Variants in SLC25A28 observed in about 807,000 individuals in gnomAD.
SLC25A28 encodes the protein solute carrier family 25 member 28.
In SLC25A28, 10 loss-of-function variants were observed where a neutral mutation model predicts 31.9. The ratio of observed to expected loss-of-function variants is 0.31; its 90% CI spans 0.19 to 0.53. SLC25A28 has a LOEUF of 0.53. Among genes scored for constraint, SLC25A28 ranks in the 20% least tolerant of loss-of-function variants. The probability of loss-of-function intolerance (pLI) is 0.95; values close to 1 mark genes in which losing one functional copy is unlikely to be tolerated. For missense variants in SLC25A28, 256 were observed against 490.3 expected, an observed-to-expected ratio of 0.52 and a Z score of 4.51; for synonymous variants, 208 against 203.6, an observed-to-expected ratio of 1.02 and a Z score of -0.19.
chr10:99,649,798 T>C, the SLC25A28 span, among the ~76,000 whole-genome samples: 1 of 152,178 alleles, frequency 6.6e-6, no homozygotes, highest in Non-Finnish European at 1.5e-5. Context: ...TGTGGTATCA[T>C]TTTAATGTCT....
At position 99,611,095 on chromosome 10, in the gene SLC25A28, G is replaced by A. The variant is rs199873123; in HGVS notation, c.849C>T (p.Asp283=). The A allele has an allele frequency of 3.3e-5, 53 of 1,614,074 alleles. No homozygotes were observed. The highest frequency in any genetic ancestry group is 1.6e-4 in the Middle Eastern group (1 of 6,084). ...AVAAAATTPL[D]VCKTLLNTQE... The stretch of plus-strand genomic sequence containing the variant: ...GGGTGTTGAGCAGTGTTTTGCAAAC[G>A]TCCAGTGGGGTTGTGGCTGCGGCAG... The change falls in exon 4 of 4, where the codon GAC becomes GAT. Residue 283 remains aspartate (D), a synonymous_variant. Transcript: ENST00000370495. This position sits in a 1 kb window ranked among gnomAD's most constrained non-coding sequence, Gnocchi z 5.5.
At chr10:99,633,938 C>A in the SLC25A28 span, among the ~76,000 whole-genome samples, 1 of 152,192 alleles carries the variant, frequency 6.6e-6, no homozygotes, top group Admixed American at 6.5e-5. Context: ...GTGCTGGTAT[C>A]CATGGCTGAG....
At chr10:99,626,442 GATTA>G in the SLC25A28 span, among the ~76,000 whole-genome samples, 1 of 152,182 alleles carries the variant, frequency 6.6e-6, no homozygotes, top group South Asian at 2.1e-4. Context: ...TCCTCATCTG[GATTA>G]ATTCTTTCCT....
intron 1 of SLC25A28, chr10:99,616,068 G>A (rs1315974557): frequency 2.0e-6 from 2 of 985,266 alleles, no homozygotes; most frequent in African/African-American, 1.7e-5. Flanking sequence ...AATGAATATG[G>A]CTCCCCAAAT....
At chr10:99,641,135 C>T in the SLC25A28 span, among the ~76,000 whole-genome samples, 3 of 152,178 alleles carry the variant, frequency 2.0e-5, no homozygotes, top group African/African-American at 7.2e-5. Flanking sequence ...CTTGAGGAAT[C>T]GCCACACTAT....
rs767661242 is a variant in SLC25A28 at position 99,610,977 on chromosome 10, C to T, written c.967G>A (p.Ala323Thr). 1.2e-6 allele frequency: 2 copies of T among 1,614,080 alleles called. No homozygotes were observed. Reference protein sequence around the residue: ...RTVYQVGGVTAYFRGVQARVI... With the variant: ...RTVYQVGGVTTYFRGVQARVI... ...CTGGCCTGCACCCCTCGGAAATAGG[C>T]GGTCACCCCACCTACTTGATATACC... The change falls in exon 4 of 4, where the codon GCC (alanine) becomes ACC (threonine). Residue 323 changes from alanine (A) to threonine (T), a missense_variant. Physicochemically the swap from Ala to Thr is moderately conservative, Grantham distance 58 (BLOSUM62 0). This residue lies in a region of SLC25A28 where 158 missense variants were observed against 379.1 expected (regional missense o/e 0.42). Coordinates refer to ENST00000370495, the MANE Select transcript of SLC25A28 (RefSeq NM_031212.4).
chr10:99,651,594 CT>C, the SLC25A28 span, among the ~76,000 whole-genome samples: 625 of 110,192 alleles, frequency 5.7e-3, 12 homozygotes, highest in African/African-American at 0.019. Context: ...TTTTTCTTTT[CT>C]TTTTTTTTTT....
At position 99,613,505 on chromosome 10, in the gene SLC25A28, C is replaced by T; in HGVS notation, c.520+191G>A. On this transcript the variant is annotated intron_variant, in intron 2 of 3. Coordinates refer to ENST00000370495, the MANE Select transcript of SLC25A28 (RefSeq NM_031212.4). The surrounding 1 kb of genome is among the most constrained non-coding windows in gnomAD (Gnocchi z 4.9). ...ATACTGTAACCCTTTGTTGAGGTGC[C>T]CCAAAGGAAAAGGCAGGGTTGAAGC... 1.4e-6 allele frequency: 2 copies of T among 1,444,848 alleles called. No individual in the cohort carries two copies. The highest frequency in any genetic ancestry group is 1.8e-6 in the Non-Finnish European group (2 of 1,104,632). The allele number at this position is 1,444,848 out of a possible 1,614,324, so 89.5% of individuals were successfully genotyped here. A position where few individuals can be genotyped will look rare whatever the true frequency, so the allele number is the denominator to read the frequency against.
At chr10:99,628,458 A>C in the SLC25A28 span, among the ~76,000 whole-genome samples, 2 of 152,234 alleles carry the variant, frequency 1.3e-5, no homozygotes, top group African/African-American at 4.8e-5. Context: ...TGCAGTAAAA[A>C]CGTTTTCATT....
chr10:99,625,235 G>C (rs1430559182), upstream of SLC25A28, among the ~76,000 whole-genome samples: 1 of 151,728 alleles, frequency 6.6e-6, no homozygotes, highest in Non-Finnish European at 1.5e-5. Context: ...AAAGAACAAA[G>C]CTTCCACAGC....
the SLC25A28 span, among the ~76,000 whole-genome samples, chr10:99,641,970 C>T: frequency 4.7e-5 from 7 of 149,416 alleles, no homozygotes; most frequent in African/African-American, 7.4e-5. Context: ...GTTACTGTAG[C>T]CTTGTAGTAT....
intron 1 of SLC25A28, chr10:99,615,325 C>T: frequency 1.2e-6 from 1 of 865,686 alleles, no homozygotes; most frequent in Non-Finnish European, 1.4e-6. Context: ...CACTGCACGG[C>T]AGCCTGGGCA....
intron 1 of SLC25A28, chr10:99,616,531 A>G (rs2024504): frequency 0.87 from 855,133 of 984,828 alleles, 371,819 homozygotes; most frequent in Middle Eastern, 0.9. Flanking sequence ...ACAAATATAC[A>G]TGGGCAACTA....
At chr10:99,637,185 A>C in the SLC25A28 span, among the ~76,000 whole-genome samples, 1 of 152,252 alleles carries the variant, frequency 6.6e-6, no homozygotes, top group Non-Finnish European at 1.5e-5. Flanking sequence ...ATTAAAAACA[A>C]ACCACATGAT....
the SLC25A28 span, among the ~76,000 whole-genome samples, chr10:99,634,764 T>C: frequency 6.6e-6 from 1 of 152,206 alleles, no homozygotes; most frequent in Non-Finnish European, 1.5e-5. Flanking sequence ...GGTAGAGACC[T>C]AGACATCCAA....
At chr10:99,645,111 GT>G in the SLC25A28 span, among the ~76,000 whole-genome samples, 202 of 152,258 alleles carry the variant, frequency 1.3e-3, 1 homozygote, top group African/African-American at 4.8e-3. Flanking sequence ...GCCTTGCTAG[GT>G]TGGGGAAGTT....
At chr10:99,655,429 T>C in the SLC25A28 span, among the ~76,000 whole-genome samples, 3 of 152,176 alleles carry the variant, frequency 2.0e-5, no homozygotes, top group Non-Finnish European at 4.4e-5. Context: ...ACCATATGAA[T>C]TAAGTACTAT....
Position 99,611,122 on chromosome 10 carries a change from T to C in SLC25A28, c.822A>G (p.Val274=), listed in dbSNP as rs2034512841. The change falls in exon 4 of 4, where the codon GTA becomes GTG. Residue 274 remains valine (V), a synonymous_variant. Coordinates refer to ENST00000370495, the MANE Select transcript of SLC25A28 (RefSeq NM_031212.4). The surrounding 1 kb of genome is among the most constrained non-coding windows in gnomAD (Gnocchi z 5.5). The part of the protein sequence containing the change: ...HVLSGACAGA[V]AAAATTPLDV... ...CCAGTGGGGTTGTGGCTGCGGCAGC[T>C]ACAGCTCCTGCGCAAGCTCCAGAGA... is the stretch of plus-strand genomic sequence containing the variant. The C allele has an allele frequency of 4.3e-6, 7 of 1,614,176 alleles. No homozygotes were observed. The highest frequency in any genetic ancestry group is 5.1e-6 in the Non-Finnish European group (6 of 1,180,040).
chr10:99,613,909 G>T lies in SLC25A28; in HGVS notation c.307C>A (p.Leu103Ile), dbSNP rs1336329828. ...IDCVKTRMQS[L>I]QPDPAARYRN... ...TAGCGGGCAGCTGGGTCAGGCTGTA[G>T]ACTCTGCATCCGGGTCTGAAATTAC... is the stretch of plus-strand genomic sequence containing the variant. Residue 103 changes from leucine to isoleucine, a missense_variant, in exon 2 of 4, where the codon CTA becomes ATA. Coordinates refer to ENST00000370495, the MANE Select transcript of SLC25A28 (RefSeq NM_031212.4). The surrounding 1 kb of genome is among the most constrained non-coding windows in gnomAD (Gnocchi z 4.9). 1 of 1,607,896 alleles carries T rather than the reference G, an allele frequency of 6.2e-7. No homozygotes were observed. Among genetic ancestry groups the T allele is most frequent in the Non-Finnish European group, 8.5e-7 (1 of 1,176,248 alleles).
Sources: allele counts gnomAD v4.1 joint callset (sites outside exome capture counted in the v4.1 genomes callset), GRCh38; gene constraint gnomAD v4.1.1; regional missense constraint gnomAD v4.1.1; non-coding constraint Gnocchi (gnomAD v3.1); transcripts MANE v1.5; gene names NCBI Gene and HGNC (gene_info 2026-07-23, HGNC 2026-07-21).